Variants in SRGAP3 observed in about 807,000 individuals in gnomAD.
The protein encoded by SRGAP3 is SLIT-ROBO Rho GTPase activating protein 3, also known as SLIT-ROBO Rho GTPase-activating protein 3.
A neutral mutation model predicts 121.1 loss-of-function variants in SRGAP3; 39 were observed. The observed-to-expected ratio is 0.32, with a 90% CI of 0.25 to 0.42. The LOEUF is 0.42. Ranked by LOEUF, SRGAP3 falls within the 10% of genes least tolerant of loss-of-function variation. The probability of loss-of-function intolerance (pLI) is 1.00; values close to 1 mark genes in which losing one functional copy is unlikely to be tolerated. For missense variants in SRGAP3, 1,213 were observed against 1,470.6 expected, an observed-to-expected ratio of 0.82 and a Z score of 2.86; for synonymous variants, 601 against 570.0, an observed-to-expected ratio of 1.05 and a Z score of -0.77.
At chr3:9,132,412 T>G (rs1014893760) in intron 1 of SRGAP3, among the ~76,000 whole-genome samples, 16 of 152,190 alleles carry the variant, frequency 1.1e-4, no homozygotes, top group Admixed American at 2.6e-4. Flanking sequence ...TCGCCCCTTA[T>G]TCTTCCCTCT....
At chr3:9,062,008 C>T (rs748011519) in intron 5 of SRGAP3, among the ~76,000 whole-genome samples, 4 of 152,160 alleles carry the variant, frequency 2.6e-5, no homozygotes, top group Admixed American at 6.5e-5. Context: ...AGTTCTCATC[C>T]TTTTAATTCT....
chr3:9,098,218 G>C (rs1948067894), intron 3 of SRGAP3, among the ~76,000 whole-genome samples: 1 of 152,174 alleles, frequency 6.6e-6, no homozygotes, highest in Non-Finnish European at 1.5e-5. Context: ...GACTGCACTG[G>C]AAGCTCCTTG....
intron 1 of SRGAP3, among the ~76,000 whole-genome samples, chr3:9,245,990 G>T (rs1390741707): frequency 6.6e-6 from 1 of 152,174 alleles, no homozygotes; most frequent in Non-Finnish European, 1.5e-5. Context: ...ACGTGGGCTT[G>T]GGAGGTAGTG....
chr3:9,331,481 C>T (rs931287647), intron 1 of SRGAP3, among the ~76,000 whole-genome samples: 2 of 152,178 alleles, frequency 1.3e-5, no homozygotes, highest in African/African-American at 4.8e-5. Flanking sequence ...CAGATGGCAA[C>T]TATGTGAGAC....
chr3:9,178,356 A>G (rs1951254239), intron 1 of SRGAP3, among the ~76,000 whole-genome samples: 1 of 152,210 alleles, frequency 6.6e-6, no homozygotes. Flanking sequence ...CCTGTGACAG[A>G]AGGCATCACT....
chr3:9,309,053 G>A (rs1011060025), intron 3 of SRGAP3, among the ~76,000 whole-genome samples: 1 of 152,200 alleles, frequency 6.6e-6, no homozygotes, highest in African/African-American at 2.4e-5. Flanking sequence ...GGTTCAAACA[G>A]AGGCTAGATA....
At chr3:9,069,200 C>T (rs771792839) in intron 4 of SRGAP3, among the ~76,000 whole-genome samples, 1 of 152,156 alleles carries the variant, frequency 6.6e-6, no homozygotes, top group South Asian at 2.1e-4. Flanking sequence ...CACTGGAATT[C>T]GGGAGACTTG....
At chr3:9,154,763 G>C (rs931630681) in intron 1 of SRGAP3, among the ~76,000 whole-genome samples, 14 of 152,106 alleles carry the variant, frequency 9.2e-5, no homozygotes, top group Non-Finnish European at 1.0e-4. Flanking sequence ...ACATAAAACT[G>C]GCTTTCTGGA....
chr3:8,990,390 C>T, intron 21 of SRGAP3, 122 bp downstream of exon 21: 1 of 1,301,892 alleles, frequency 7.7e-7, no homozygotes, highest in South Asian at 1.3e-5. Flanking sequence ...ACTCACTCTC[C>T]TGTTCTCTGG....
chr3:9,000,649 A>G (rs1942699897), intron 18 of SRGAP3, among the ~76,000 whole-genome samples: 1 of 152,242 alleles, frequency 6.6e-6, no homozygotes, highest in African/African-American at 2.4e-5. Context: ...GCTAGACTAT[A>G]ACCCAGATAG....
intron 1 of SRGAP3, among the ~76,000 whole-genome samples, chr3:9,183,435 G>C (rs1167432299): frequency 6.6e-6 from 1 of 152,096 alleles, no homozygotes; most frequent in Non-Finnish European, 1.5e-5. Flanking sequence ...TAGAGAGCCT[G>C]GCATATAGTA....
chr3:9,165,441 A>G (rs2664108), intron 1 of SRGAP3, among the ~76,000 whole-genome samples: 78,914 of 152,036 alleles, frequency 0.52, 23,932 homozygotes, highest in Non-Finnish European at 0.68. Context: ...CCACCAAGGC[A>G]TCATTCCTTC....
chr3:9,149,213 CAA>C (rs548286364), intron 1 of SRGAP3, among the ~76,000 whole-genome samples: 6 of 56,604 alleles, frequency 1.1e-4, no homozygotes, highest in Admixed American at 3.7e-4. Flanking sequence ...GACTCCGTCT[CAA>C]AAAAAAAAAA....
At chr3:9,325,047 C>T (rs535243731) in intron 3 of SRGAP3, among the ~76,000 whole-genome samples, 7 of 151,880 alleles carry the variant, frequency 4.6e-5, no homozygotes, top group African/African-American at 1.2e-4. Context: ...TCTCAGTTAC[C>T]GTCATTTTGG....
intron 3 of SRGAP3, among the ~76,000 whole-genome samples, chr3:9,085,917 G>A (rs1351766796): frequency 6.6e-6 from 1 of 152,082 alleles, no homozygotes; most frequent in Non-Finnish European, 1.5e-5. Flanking sequence ...CATGACACAC[G>A]TTTACCTATG....
intron 2 of SRGAP3, among the ~76,000 whole-genome samples, chr3:9,117,319 C>T (rs981927989): frequency 3.9e-5 from 6 of 152,206 alleles, no homozygotes; most frequent in Admixed American, 3.3e-4. Flanking sequence ...TAGAGAATTG[C>T]TACATCTGTG....
At chr3:9,027,122 A>G in intron 12 of SRGAP3, 127 bp from the exon 13 acceptor site, 1 of 870,498 alleles carries the variant, frequency 1.1e-6, no homozygotes, top group Non-Finnish European at 2.0e-6. Flanking sequence ...AAAACAAGCA[A>G]GGAACTGCTA....
intron 18 of SRGAP3, among the ~76,000 whole-genome samples, chr3:9,001,354 AAT>A (rs1424935559): frequency 5.3e-5 from 8 of 152,226 alleles, no homozygotes; most frequent in African/African-American, 1.9e-4. Context: ...GTATCCAATA[AAT>A]ATGTCCAATT....
chr3:9,211,910 A>G (rs1574877340), intron 1 of SRGAP3, among the ~76,000 whole-genome samples: 2 of 151,956 alleles, frequency 1.3e-5, no homozygotes, highest in Admixed American at 1.3e-4. Context: ...TCCTGGCCTC[A>G]AGTGATTTTC....
Sources: allele counts gnomAD v4.1 joint callset (sites outside exome capture counted in the v4.1 genomes callset), GRCh38; gene constraint gnomAD v4.1.1; transcripts MANE v1.5; gene names NCBI Gene and HGNC (gene_info 2026-07-23, HGNC 2026-07-21).